Variants in ALPL observed in about 807,000 individuals in gnomAD.
The protein encoded by ALPL is alkaline phosphatase, biomineralization associated, also known as alkaline phosphatase, tissue-nonspecific isozyme.
In ALPL, 42 loss-of-function variants were observed where a neutral mutation model predicts 51.3. The observed-to-expected ratio is 0.82, with a 90% CI of 0.64 to 1.06. The LOEUF (loss-of-function observed/expected upper bound fraction) is 1.06, where lower values mean the gene tolerates loss of function less well. Ranked by LOEUF, ALPL falls within the 50% of genes least tolerant of loss-of-function variation. The pLI, the probability that ALPL is intolerant of heterozygous loss-of-function variation, is 0.00. For synonymous variants in ALPL, 279 were observed against 296.4 expected (o/e 0.94, Z 0.60); for missense variants, 589 against 709.4 (o/e 0.83, Z 1.93).
chr1:21,576,172 G>A (rs1037941461), intron 10 of ALPL, among the ~76,000 whole-genome samples: 9 of 151,990 alleles, frequency 5.9e-5, no homozygotes, highest in South Asian at 2.1e-4. Flanking sequence ...GGGCGAGAAC[G>A]TGGATAGATG....
rs1436604922 is a variant in ALPL, at chr1:21,577,610, C to T, written c.1537C>T (p.Leu513Phe). Reference sequence around the variant, plus strand: ...CAGCCTTGCTGCAGGCCCCCTGCTGCTCGCGCTGGCCCTCTACCCCCTGAG... The same window carrying T: ...CAGCCTTGCTGCAGGCCCCCTGCTGTTCGCGCTGGCCCTCTACCCCCTGAG... ...AGSLAAGPLL[L>F]ALALYPLSVL... The change falls in exon 12 of 12, where the codon CTC becomes TTC. Residue 513 changes from leucine (L) to phenylalanine (F), a missense_variant. Physicochemically the swap from Leu to Phe is conservative, Grantham distance 22. Transcript: ENST00000374840. The T allele has an allele frequency of 6.2e-7, 1 of 1,600,084 alleles. No individual in the cohort carries two copies. Among genetic ancestry groups the T allele is most frequent in the Non-Finnish European group, 8.5e-7 (1 of 1,179,536 alleles).
At chr1:21,520,462 T>TTC (rs1245582371) in intron 1 of ALPL, among the ~76,000 whole-genome samples, 1 of 134,110 alleles carries the variant, frequency 7.5e-6, no homozygotes, top group African/African-American at 2.8e-5. Context: ...CATTTCTTTT[T>TTC]TCTCTTTTTT....
At chr1:21,550,272 G>C (rs1339083917) in intron 1 of ALPL, among the ~76,000 whole-genome samples, 1 of 152,278 alleles carries the variant, frequency 6.6e-6, no homozygotes, top group East Asian at 1.9e-4. Flanking sequence ...CCCTCTGGAG[G>C]GGGTGACTGA....
rs547532627 is a variant in ALPL at position 21,564,008 on chromosome 1, G to A, written c.473-33G>A. On this transcript the variant is annotated intron_variant, in intron 5 of 11. Transcript: ENST00000374840. This position sits in a 1 kb window ranked among gnomAD's most constrained non-coding sequence, Gnocchi z 5.8. ...GGCCTCTGGGACACCCCGATCTGTG[G>A]ATAAAGCCAAACCCGCCCCTCCTGC... The A allele has an allele frequency of 1.2e-6, 2 of 1,610,860 alleles. No individual in the cohort carries two copies. Among genetic ancestry groups the A allele is most frequent in the South Asian group, 2.2e-5 (2 of 91,060 alleles).
At chr1:21,563,864 G>A (rs772359541) in intron 5 of ALPL, among the ~76,000 whole-genome samples, 177 bp from the exon 6 acceptor site, 31 of 152,064 alleles carry the variant, frequency 2.0e-4, no homozygotes, top group Non-Finnish European at 4.1e-4. Flanking sequence ...CTGGCTGCTC[G>A]GCTACTTGGA....
At chr1:21,532,070 G>A (rs953024366) in intron 1 of ALPL, among the ~76,000 whole-genome samples, 40 of 152,046 alleles carry the variant, frequency 2.6e-4, no homozygotes, top group African/African-American at 8.7e-4. Context: ...AGGAGCGTGT[G>A]GATTCCCCAA....
At chr1:21,552,466 C>A (rs1300558027) in intron 1 of ALPL, among the ~76,000 whole-genome samples, 1 of 128,904 alleles carries the variant, frequency 7.8e-6, no homozygotes, top group African/African-American at 3.0e-5. Context: ...GCAACAAGAA[C>A]AAAACTCCGT....
Position 21,577,988 on chromosome 1 carries a change from C to G in ALPL, c.*340C>G. The G allele has an allele frequency of 2.4e-6, 1 of 410,580 alleles. No homozygotes were observed. Among genetic ancestry groups the G allele is most frequent in the East Asian group, 4.6e-5 (1 of 21,514 alleles). 25.4% of individuals were successfully genotyped at this position (410,580 alleles called of 1,614,324 possible). A position where few individuals can be genotyped will look rare whatever the true frequency, so the allele number is the denominator to read the frequency against. On this transcript the variant is annotated 3_prime_UTR_variant, in exon 12 of 12. Coordinates refer to ENST00000374840, the MANE Select transcript of ALPL (RefSeq NM_000478.6). ...TCTCCAGACCCAGAGGCCCTGAAGC[C>G]TCCGTGGAACATTCTGGATCTGACC...
chr1:21,575,674 TG>T, intron 9 of ALPL, 58 bp from the exon 10 acceptor site: 1 of 1,584,494 alleles, frequency 6.3e-7, no homozygotes, highest in Non-Finnish European at 8.7e-7. Flanking sequence ...GTTGTGGGGC[TG>T]GGGAGCAGAT....
At chr1:21,539,829 T>C (rs1644158388) in intron 1 of ALPL, among the ~76,000 whole-genome samples, 1 of 151,944 alleles carries the variant, frequency 6.6e-6, no homozygotes, top group African/African-American at 2.4e-5. Flanking sequence ...TAATTTTTTG[T>C]ATATTTTTAG....
intron 8 of ALPL, 151 bp from the exon 9 acceptor site, chr1:21,573,514 A>G (rs1644680686): frequency 2.3e-6 from 2 of 877,760 alleles, no homozygotes; most frequent in Non-Finnish European, 3.6e-6. Context: ...GCCCACAAAA[A>G]TCACCCAGAT....
At chr1:21,534,992 T>C (rs1039422856) in intron 1 of ALPL, among the ~76,000 whole-genome samples, 1 of 152,210 alleles carries the variant, frequency 6.6e-6, no homozygotes, top group African/African-American at 2.4e-5. Context: ...TTCTATTGCT[T>C]TTACTTACTT....
intron 1 of ALPL, among the ~76,000 whole-genome samples, chr1:21,522,113 C>T (rs1002480818): frequency 1.3e-5 from 2 of 151,136 alleles, no homozygotes; most frequent in Non-Finnish European, 2.9e-5. Context: ...GCTCTGTCGC[C>T]CAGGCTGGAG....
At chr1:21,529,282 G>T (rs1052319751) in intron 1 of ALPL, among the ~76,000 whole-genome samples, 1 of 150,756 alleles carries the variant, frequency 6.6e-6, no homozygotes, top group Admixed American at 6.6e-5. Context: ...CTGAGACAGG[G>T]TCTTACTTTG....
intron 1 of ALPL, among the ~76,000 whole-genome samples, chr1:21,514,411 C>T (rs1643753362): frequency 6.6e-6 from 1 of 152,358 alleles, no homozygotes; most frequent in Non-Finnish European, 1.5e-5. Context: ...TGCATCAGTG[C>T]ATAACCACTT....
chr1:21,557,826 T>C (rs962279043), intron 2 of ALPL, among the ~76,000 whole-genome samples: 1 of 152,184 alleles, frequency 6.6e-6, no homozygotes, highest in Non-Finnish European at 1.5e-5. Context: ...TTTATACCCA[T>C]GTAACCGCCA....
intron 1 of ALPL, among the ~76,000 whole-genome samples, chr1:21,533,285 C>T (rs918502221): frequency 1.3e-5 from 2 of 152,184 alleles, no homozygotes; most frequent in African/African-American, 4.8e-5. Context: ...CTAAGAGTAC[C>T]TACCTCAAAG....
intron 9 of ALPL, 81 bp downstream of exon 9, chr1:21,573,880 G>A (rs1644689077): frequency 1.9e-6 from 3 of 1,599,378 alleles, no homozygotes; most frequent in Non-Finnish European, 8.5e-7. Flanking sequence ...GCTCTTAAAG[G>A]GAACTGACTG....
chr1:21,568,155 G>A lies in ALPL; in HGVS notation c.700G>A (p.Val234Met). ...KYMYPKNKTD[V>M]EYESDEKARG... ...CATGTACCCCAAGAATAAAACTGAT[G>A]TGGAGTATGAGAGTGACGAGAAAGC... Residue 234 changes from valine to methionine, a missense_variant, in exon 7 of 12, where the codon GTG (valine) becomes ATG (methionine). Val to Met is a conservative substitution (Grantham distance 21, BLOSUM62 1). Coordinates refer to ENST00000374840, the MANE Select transcript of ALPL (RefSeq NM_000478.6). 6.2e-7 allele frequency: 1 copy of A among 1,614,102 alleles called. No homozygotes were observed. The highest frequency in any genetic ancestry group is 2.2e-5 in the East Asian group (1 of 44,850).
Sources: gnomAD v4.1 joint callset for allele counts (sites outside exome capture counted in the v4.1 genomes callset) on GRCh38, gnomAD v4.1.1 for gene constraint, Gnocchi (gnomAD v3.1) non-coding constraint, MANE v1.5 for transcripts, NCBI Gene and HGNC (gene_info 2026-07-23, HGNC 2026-07-21) for gene names.